The following DRD3 variants were observed in gnomAD, a reference collection of about 807,000 sequenced individuals.
DRD3 encodes D(3) dopamine receptor.
In DRD3, 19 loss-of-function variants were observed where a neutral mutation model predicts 36.3. The ratio of observed to expected loss-of-function variants is 0.52; its 90% CI spans 0.36 to 0.77. The LOEUF (loss-of-function observed/expected upper bound fraction) is 0.77. Among genes scored for constraint, DRD3 ranks in the 30% least tolerant of loss-of-function variants. The probability of loss-of-function intolerance (pLI) is 0.00; values close to 1 mark genes in which losing one functional copy is unlikely to be tolerated. For synonymous variants in DRD3, 195 were observed against 203.7 expected (o/e 0.96, Z 0.36); for missense variants, 465 against 505.3 (o/e 0.92, Z 0.77).
intron 3 of DRD3, among the ~76,000 whole-genome samples, chr3:114,156,779 CTTTCTTTCTTTCTTTCTTTCTCTTTTCTT>C (rs2077678951): frequency 5.1e-5 from 4 of 78,448 alleles, no homozygotes; most frequent in Admixed American, 1.5e-4. Flanking sequence ...TTCTTTCTTT[CTTTCTTTCTTTCTTTCTTTCTCTTTTCTT>C]TTTCTTTCTT....
At chr3:114,149,051 T>C (rs1577595295) in intron 3 of DRD3, among the ~76,000 whole-genome samples, 1 of 152,246 alleles carries the variant, frequency 6.6e-6, no homozygotes, top group East Asian at 1.9e-4. Context: ...CAATATTTAT[T>C]GAGTCCCAAC....
intron 5 of DRD3, among the ~76,000 whole-genome samples, chr3:114,136,609 C>T (rs1052892608): frequency 6.6e-6 from 1 of 152,160 alleles, no homozygotes; most frequent in Non-Finnish European, 1.5e-5. Flanking sequence ...TAGCTATTAT[C>T]GTTTAAAATG....
intron 5 of DRD3, among the ~76,000 whole-genome samples, chr3:114,136,350 AT>A (rs2077474703): frequency 6.6e-6 from 1 of 152,076 alleles, no homozygotes; most frequent in Non-Finnish European, 1.5e-5. Flanking sequence ...TGGTGAGTGT[AT>A]TTTTCAGCTC....
chr3:114,153,665 T>TG (rs1003733308), intron 3 of DRD3, among the ~76,000 whole-genome samples: 1 of 152,234 alleles, frequency 6.6e-6, no homozygotes, highest in Non-Finnish European at 1.5e-5. Context: ...CCAGGCAGTG[T>TG]GACTCTATAG....
chr3:114,182,623 G>T (rs1394014), upstream of DRD3, among the ~76,000 whole-genome samples: 150,977 of 152,252 alleles, frequency 0.99, 74,857 homozygotes, highest in East Asian at 1. Flanking sequence ...TTCTTTTTCT[G>T]TTTTTTGAGA....
chr3:114,183,866 A>G (rs2077960893), upstream of DRD3, among the ~76,000 whole-genome samples: 1 of 151,712 alleles, frequency 6.6e-6, no homozygotes, highest in Admixed American at 6.6e-5. Flanking sequence ...ATCTAAAGTT[A>G]GTTTCTTGTA....
intron 2 of DRD3, among the ~76,000 whole-genome samples, chr3:114,160,514 G>C (rs1230032563): frequency 6.6e-6 from 1 of 152,186 alleles, no homozygotes; most frequent in Non-Finnish European, 1.5e-5. Flanking sequence ...GTGGTTAAGT[G>C]ATAACTTCCT....
In DRD3 at chr3:114,131,964, T is replaced by C. The variant is rs540272709; in HGVS notation, c.724-564A>G. ...CACGCTTTTACACTGTTGGTGGGAG[T>C]GTAAGTTAGTTCAACCATTGTGGAA... On this transcript the variant is annotated intron_variant, in intron 5 of 6. Coordinates refer to ENST00000383673, the MANE Select transcript of DRD3 (RefSeq NM_000796.6). Among the ~76,000 whole-genome samples, 6 of 152,210 alleles carry C rather than the reference T, an allele frequency of 3.9e-5. No homozygotes were observed. The East Asian group carries it at 9.7e-4, about 25-fold the overall frequency.
chr3:114,195,091 A>G (rs975429919), intron 1 of DRD3, among the ~76,000 whole-genome samples: 1 of 152,168 alleles, frequency 6.6e-6, no homozygotes, highest in African/African-American at 2.4e-5. Context: ...CTTATCAAGT[A>G]CTTTAGGCCT....
upstream of DRD3, among the ~76,000 whole-genome samples, chr3:114,182,734 A>G (rs755458265): frequency 6.6e-6 from 1 of 152,062 alleles, no homozygotes; most frequent in Non-Finnish European, 1.5e-5. Context: ...AGTACCTCAT[A>G]TAAGTGGAAT....
intron 1 of DRD3, among the ~76,000 whole-genome samples, chr3:114,184,869 C>T (rs2077967115): frequency 6.6e-6 from 1 of 152,190 alleles, no homozygotes; most frequent in Non-Finnish European, 1.5e-5. Flanking sequence ...TGACCTCCTT[C>T]ACTTTTGAAG....
At chr3:114,149,466 G>A (rs1015295177) in intron 3 of DRD3, among the ~76,000 whole-genome samples, 4 of 152,052 alleles carry the variant, frequency 2.6e-5, no homozygotes, top group Middle Eastern at 3.2e-3. Flanking sequence ...ATTTCATCAC[G>A]TCTCCCCATC....
chr3:114,132,212 A>G (rs529840624), intron 5 of DRD3, among the ~76,000 whole-genome samples: 2 of 152,370 alleles, frequency 1.3e-5, no homozygotes, highest in East Asian at 1.9e-4. Context: ...TACACTATAG[A>G]ATACTATGCA....
At chr3:114,144,032 G>C (rs545310738) in intron 4 of DRD3, among the ~76,000 whole-genome samples, 54 of 152,344 alleles carry the variant, frequency 3.5e-4, no homozygotes, top group African/African-American at 1.3e-3. Flanking sequence ...ATGCTCTGCT[G>C]TATCAGGGTC....
intron 2 of DRD3, among the ~76,000 whole-genome samples, chr3:114,168,783 G>T (rs1298045548): frequency 6.6e-6 from 1 of 152,212 alleles, no homozygotes; most frequent in Non-Finnish European, 1.5e-5. Context: ...AACATTAAAT[G>T]CAGTTAAACC....
chr3:114,161,600 C>G (rs998708041), intron 2 of DRD3, among the ~76,000 whole-genome samples: 1 of 152,282 alleles, frequency 6.6e-6, no homozygotes, highest in Non-Finnish European at 1.5e-5. Flanking sequence ...GTGAAGAAGT[C>G]AAATCCAGTT....
At position 114,128,757 on chromosome 3, in the gene DRD3, T is replaced by A; in HGVS notation, c.1162A>T (p.Ile388Phe). ...LNPVIYTTFN[I>F]EFRKAFLKIL... ...TTGAGGAAGGCTTTCCGGAACTCGATATTGAAGGTGGTATAGATCACAGGG... is the reference window on the plus strand; with the variant it reads ...TTGAGGAAGGCTTTCCGGAACTCGAAATTGAAGGTGGTATAGATCACAGGG... The change falls in exon 7 of 7, where the codon ATC becomes TTC. Residue 388 changes from isoleucine (I) to phenylalanine (F), a missense_variant. Transcript: ENST00000383673. 6.2e-7 allele frequency: 1 copy of A among 1,611,072 alleles called. No homozygotes were observed. Among genetic ancestry groups the A allele is most frequent in the South Asian group, 1.1e-5 (1 of 90,672 alleles).
intron 1 of DRD3, among the ~76,000 whole-genome samples, chr3:114,190,586 G>C (rs1438377596): frequency 1.4e-5 from 2 of 143,328 alleles, no homozygotes; most frequent in South Asian, 2.3e-4. Context: ...AGTGCTCTGA[G>C]ATCTCTTTTG....
chr3:114,191,706 G>C (rs540431937), intron 1 of DRD3, among the ~76,000 whole-genome samples: 3 of 152,308 alleles, frequency 2.0e-5, no homozygotes, highest in South Asian at 2.1e-4. Flanking sequence ...GGTAGTACTA[G>C]AGATGGGGAA....
Sources: gnomAD v4.1 joint callset for allele counts (sites outside exome capture counted in the v4.1 genomes callset) on GRCh38, gnomAD v4.1.1 for gene constraint, MANE v1.5 for transcripts, NCBI Gene and HGNC (gene_info 2026-07-23, HGNC 2026-07-21) for gene names.